Variants in SPATA16 observed in about 807,000 individuals in gnomAD.
SPATA16 encodes the protein spermatogenesis associated 16.
In SPATA16, 36 loss-of-function variants were observed where a neutral mutation model predicts 63.3. The ratio of observed to expected loss-of-function variants is 0.57; its 90% confidence interval spans 0.44 to 0.75. SPATA16 has a LOEUF of 0.75. Ranked by LOEUF, SPATA16 falls within the 30% of genes least tolerant of loss-of-function variation. SPATA16 has a pLI of 0.00. For missense variants in SPATA16, 646 were observed against 679.3 expected, an observed-to-expected ratio of 0.95 and a Z score of 0.54; for synonymous variants, 203 against 216.7, an observed-to-expected ratio of 0.94 and a Z score of 0.56.
chr3:172,907,914 G>A (rs1732279114), intron 10 of SPATA16, among the ~76,000 whole-genome samples: 1 of 152,034 alleles, frequency 6.6e-6, no homozygotes, highest in African/African-American at 2.4e-5. Flanking sequence ...TTCTTTACTT[G>A]GGATGCTTTT....
chr3:173,136,618 T>C (rs929512185), intron 1 of SPATA16, among the ~76,000 whole-genome samples: 1 of 152,226 alleles, frequency 6.6e-6, no homozygotes, highest in Non-Finnish European at 1.5e-5. Context: ...AACTAGTTTT[T>C]CATACTCATT....
intron 4 of SPATA16, among the ~76,000 whole-genome samples, chr3:173,011,916 C>A (rs904320836): frequency 2.6e-5 from 4 of 152,118 alleles, no homozygotes. Context: ...TGGGCTTAAG[C>A]GATCTTCCTG....
At chr3:172,939,303 G>A (rs933784319) in intron 6 of SPATA16, among the ~76,000 whole-genome samples, 2 of 152,050 alleles carry the variant, frequency 1.3e-5, no homozygotes, top group African/African-American at 4.8e-5. Context: ...GTAAATATCT[G>A]GTCATAATGT....
intron 1 of SPATA16, among the ~76,000 whole-genome samples, chr3:173,133,496 TC>T (rs916328148): frequency 3.3e-5 from 5 of 152,024 alleles, no homozygotes; most frequent in Non-Finnish European, 7.4e-5. Flanking sequence ...CTTAGTGACT[TC>T]CCCCGGCCAC....
Position 173,019,475 on chromosome 3 carries a change from A to C in SPATA16, c.848+11T>G, listed in dbSNP as rs185963710. 6.2e-7 allele frequency: 1 copy of C among 1,612,086 alleles called. No homozygotes were observed. The highest frequency in any genetic ancestry group is 8.5e-7 in the Non-Finnish European group (1 of 1,178,262). ...TGATATAAATCCTCACAAAAGTTAA[A>C]ACAAACATACCGGGCAGCCTCTGAA... On this transcript the variant is annotated intron_variant, in intron 4 of 10. Coordinates refer to ENST00000351008, the MANE Select transcript of SPATA16 (RefSeq NM_031955.6).
intron 2 of SPATA16, among the ~76,000 whole-genome samples, chr3:173,072,604 C>A (rs1408523964): frequency 6.6e-6 from 1 of 152,190 alleles, no homozygotes; most frequent in Non-Finnish European, 1.5e-5. Context: ...TTGTCTGCCA[C>A]CATATAAGAC....
chr3:172,971,412 T>C (rs1426712062), intron 5 of SPATA16, among the ~76,000 whole-genome samples: 1 of 152,236 alleles, frequency 6.6e-6, no homozygotes, highest in Non-Finnish European at 1.5e-5. Context: ...ATTTGATTGA[T>C]TGATTTAACA....
intron 3 of SPATA16, among the ~76,000 whole-genome samples, chr3:173,043,811 T>A (rs1297647407): frequency 6.6e-6 from 1 of 152,052 alleles, no homozygotes; most frequent in Non-Finnish European, 1.5e-5. Flanking sequence ...AAAGTGCAGA[T>A]CTGGTAAAGA....
rs186688840 is a variant in SPATA16, at chr3:173,047,210, T to C, written c.758+1739A>G. Among the ~76,000 whole-genome samples the C allele has an allele frequency of 3.7e-3, 556 of 151,956 alleles. 3 individuals are homozygous for C. The highest frequency in any genetic ancestry group is 0.012 in the African/African-American group (517 of 41,524). On this transcript the variant is annotated intron_variant, in intron 3 of 10. Transcript: ENST00000351008. The stretch of plus-strand genomic sequence containing the variant: ...TGATCTTTCGTTCTCATTACTTTTT[T>C]TTTTTTTACTGAATTCTTGTTTACC...
At chr3:173,069,722 T>A (rs940710357) in intron 2 of SPATA16, among the ~76,000 whole-genome samples, 2 of 152,152 alleles carry the variant, frequency 1.3e-5, no homozygotes, top group African/African-American at 4.8e-5. Context: ...TGGACATAGA[T>A]ACAAAAATCC....
At chr3:172,946,201 A>G (rs367909511) in intron 6 of SPATA16, among the ~76,000 whole-genome samples, 35 of 152,298 alleles carry the variant, frequency 2.3e-4, no homozygotes, top group African/African-American at 8.2e-4. Flanking sequence ...AATAAACATC[A>G]GAAGTACCCA....
chr3:173,112,555 AAC>A lies in SPATA16; in HGVS notation c.612+4563_612+4564del, dbSNP rs777181400. 2.2e-4 allele frequency among the ~76,000 whole-genome samples: 34 copies of A among 152,194 alleles called. 1 individual carries two copies. The highest frequency in any genetic ancestry group is 4.6e-4 in the Admixed American group (7 of 15,276). On this transcript the variant is annotated intron_variant, in intron 2 of 10. Transcript: ENST00000351008. ...GTCCACCCTTGGTTTTCTCATTAGTAACACAATAATAATAACAGTATTATCTC... is the reference window on the plus strand; with the variant it reads ...GTCCACCCTTGGTTTTCTCATTAGTAACAATAATAATAACAGTATTATCTC...
intron 2 of SPATA16, among the ~76,000 whole-genome samples, chr3:173,052,917 A>C (rs1478229564): frequency 6.6e-6 from 1 of 152,114 alleles, no homozygotes; most frequent in Admixed American, 6.6e-5. Context: ...AAATTAAGTT[A>C]GGAGTTAACT....
chr3:172,935,193 G>A (rs1732954311), intron 6 of SPATA16, among the ~76,000 whole-genome samples: 1 of 152,196 alleles, frequency 6.6e-6, no homozygotes, highest in Non-Finnish European at 1.5e-5. Flanking sequence ...AGCTTGACAT[G>A]GTGGTACGTG....
chr3:173,000,231 C>A (rs1353516960), intron 4 of SPATA16, among the ~76,000 whole-genome samples: 1 of 152,202 alleles, frequency 6.6e-6, no homozygotes, highest in Admixed American at 6.5e-5. Flanking sequence ...CTTCACTAGA[C>A]ACAGAATTTG....
chr3:172,947,529 A>ACAACCATCTG (rs1012958170), intron 6 of SPATA16, among the ~76,000 whole-genome samples: 9 of 129,510 alleles, frequency 6.9e-5, no homozygotes, highest in African/African-American at 4.5e-4. Flanking sequence ...GAATATCTGA[A>ACAACCATCTG]TATTGTTTAC....
intron 6 of SPATA16, among the ~76,000 whole-genome samples, chr3:172,953,788 C>G (rs902345644): frequency 6.6e-6 from 1 of 152,110 alleles, no homozygotes; most frequent in Admixed American, 6.5e-5. Context: ...AACCAAACCA[C>G]AGGGAGAAGA....
rs1017029171 is a variant in SPATA16, at chr3:172,925,406, T to A, written c.1168A>T (p.Asn390Tyr). 6 of 1,613,980 alleles carry A rather than the reference T, an allele frequency of 3.7e-6. No homozygotes were observed. Among genetic ancestry groups the A allele is most frequent in the Non-Finnish European group, 5.1e-6 (6 of 1,179,990 alleles). Reference protein sequence around the residue: ...QQYLLTLGFKNKDDGKFLEKI... With the variant: ...QQYLLTLGFKYKDDGKFLEKI... ...TCCAAAAATTTTCCATCATCTTTGT[T>A]TTTGAACCCAAGAGTCAAGAGATAT... Residue 390 changes from asparagine (N) to tyrosine (Y), a missense_variant, in exon 7 of 11, where the codon AAC becomes TAC. Physicochemically the swap from Asn to Tyr is moderately radical, Grantham distance 143. Coordinates refer to ENST00000351008, the MANE Select transcript of SPATA16 (RefSeq NM_031955.6).
At chr3:172,970,618 C>T (rs570129319) in intron 5 of SPATA16, among the ~76,000 whole-genome samples, 1 of 152,294 alleles carries the variant, frequency 6.6e-6, no homozygotes, top group Non-Finnish European at 1.5e-5. Flanking sequence ...AGAGCCTGGG[C>T]TGCTTTCAGA....
Sources: allele counts gnomAD v4.1 joint callset (sites outside exome capture counted in the v4.1 genomes callset), GRCh38; gene constraint gnomAD v4.1.1; transcripts MANE v1.5; gene names NCBI Gene and HGNC (gene_info 2026-07-23, HGNC 2026-07-21).